CUL2: variants seen among roughly 807,000 people sequenced by gnomAD.
CUL2 encodes the protein cullin-2.
A neutral mutation model predicts 110.2 loss-of-function variants in CUL2; 22 were observed. That is an observed-to-expected ratio of 0.20 (90% CI 0.14 to 0.28). The LOEUF (loss-of-function observed/expected upper bound fraction) is 0.28. CUL2 is among the 10% of genes least tolerant of loss of function. CUL2 has a pLI of 1.00. For missense variants in CUL2, 631 were observed against 905.5 expected (o/e 0.70, Z 3.89); for synonymous variants, 279 against 293.2 (o/e 0.95, Z 0.49).
intron 2 of CUL2, among the ~76,000 whole-genome samples, chr10:35,063,443 A>G (rs2086435352): frequency 6.6e-6 from 1 of 152,220 alleles, no homozygotes; most frequent in South Asian, 2.1e-4. Flanking sequence ...CATAGTATCA[A>G]TGAAGGGCTA....
At chr10:35,021,242 TTTTCTTTC>T (rs201677936) in intron 17 of CUL2, among the ~76,000 whole-genome samples, 3 of 149,062 alleles carry the variant, frequency 2.0e-5, no homozygotes, top group Non-Finnish European at 3.0e-5. Context: ...CTGCAGCATG[TTTTCTTTC>T]TTTCTTTCTT....
chr10:35,116,734 A>G (rs894490001), intron 1 of CUL2, among the ~76,000 whole-genome samples: 1 of 152,230 alleles, frequency 6.6e-6, no homozygotes, highest in Admixed American at 6.5e-5. Flanking sequence ...TGGGAGGCCA[A>G]TGCAGGCAGA....
At chr10:35,033,087 T>A (rs1588972406) in intron 11 of CUL2, 79 bp downstream of exon 11, 1 of 730,682 alleles carries the variant, frequency 1.4e-6, no homozygotes, top group Non-Finnish European at 2.1e-6. Flanking sequence ...AACCTCATAC[T>A]AGAATTCTGA....
intron 2 of CUL2, among the ~76,000 whole-genome samples, chr10:35,096,894 C>A (rs1364258912): frequency 1.3e-5 from 2 of 150,848 alleles, no homozygotes; most frequent in African/African-American, 4.9e-5. Context: ...ACTGCAACCT[C>A]TGCCTCCTGG....
chr10:35,029,379 C>T (rs941099604), intron 15 of CUL2, 109 bp downstream of exon 15: 3 of 782,766 alleles, frequency 3.8e-6, no homozygotes, highest in African/African-American at 3.7e-5. Flanking sequence ...ACTTTAGAAG[C>T]CACAATCTAC....
At chr10:35,023,162 T>C (rs908527536) in intron 17 of CUL2, among the ~76,000 whole-genome samples, 6 of 152,224 alleles carry the variant, frequency 3.9e-5, no homozygotes, top group Admixed American at 3.3e-4. Context: ...CTTGAGTTAA[T>C]CATTTTACAA....
chr10:35,012,509 G>C (rs1241862766), intron 19 of CUL2, among the ~76,000 whole-genome samples: 1 of 152,036 alleles, frequency 6.6e-6, no homozygotes, highest in Non-Finnish European at 1.5e-5. Flanking sequence ...GGCATTTTAT[G>C]TGGCTCAAGC....
intron 1 of CUL2, among the ~76,000 whole-genome samples, chr10:35,074,598 T>C (rs963448290): frequency 6.6e-6 from 1 of 152,156 alleles, no homozygotes; most frequent in African/African-American, 2.4e-5. Flanking sequence ...GTGATTCACC[T>C]GCCACAGCCT....
chr10:35,090,618 TC>T (rs894165963), upstream of CUL2: 10 of 151,612 alleles, frequency 6.6e-5, no homozygotes, highest in Non-Finnish European at 1.5e-4. Flanking sequence ...TGCTGCCAAA[TC>T]CCCCCCGCCA....
intron 1 of CUL2, among the ~76,000 whole-genome samples, chr10:35,077,236 G>C (rs1156583434): frequency 6.6e-6 from 1 of 151,530 alleles, no homozygotes; most frequent in Non-Finnish European, 1.5e-5. Flanking sequence ...AGTGAATGAA[G>C]AGGGCCACAA....
chr10:35,062,670 C>G (rs1364822433), intron 3 of CUL2, among the ~76,000 whole-genome samples: 1 of 123,146 alleles, frequency 8.1e-6, no homozygotes, highest in Non-Finnish European at 1.7e-5. Flanking sequence ...CCATCTCTAC[C>G]AAAAAAAAAA....
intron 6 of CUL2, among the ~76,000 whole-genome samples, chr10:35,049,416 TTCCCTC>T (rs1331641386): frequency 2.6e-5 from 4 of 151,846 alleles, no homozygotes; most frequent in Non-Finnish European, 5.9e-5. Flanking sequence ...AATAAGTCAC[TTCCCTC>T]AGATACTTAT....
chr10:35,117,705 T>A (rs2087626391), intron 1 of CUL2, among the ~76,000 whole-genome samples: 1 of 152,210 alleles, frequency 6.6e-6, no homozygotes, highest in Admixed American at 6.5e-5. Context: ...GGTGTATTAC[T>A]GAAGGTTCCT....
In CUL2 at chr10:35,031,307, T is replaced by C; in HGVS notation, c.1379A>G (p.Lys460Arg). The C allele has an allele frequency of 6.3e-7, 1 of 1,583,248 alleles. No homozygotes were observed. Among genetic ancestry groups the C allele is most frequent in the Non-Finnish European group, 8.6e-7 (1 of 1,166,162 alleles). Residue 460 changes from lysine to arginine, a missense_variant, in exon 14 of 21, where the codon AAA becomes AGA. Around this residue, in one of 3 missense-constraint regions of CUL2, gnomAD observed 134 missense variants for 260.4 expected, o/e 0.51. Coordinates refer to ENST00000374749, the MANE Select transcript of CUL2 (RefSeq NM_003591.4). The surrounding 1 kb of genome is among the most constrained non-coding windows in gnomAD (Gnocchi z 4.4). ...ATTAAAGACTTACATTACCTTTAAT[T>C]TGTTGATCATGGCTTCTTCAGAGTC... The part of the protein sequence containing the change: ...SMDSEEAMIN[K>R]LKQACGYEFT...
intron 2 of CUL2, among the ~76,000 whole-genome samples, chr10:35,067,139 C>CAAAAAAA (rs71523356): frequency 5.2e-5 from 4 of 76,816 alleles, no homozygotes; most frequent in Non-Finnish European, 7.6e-5. Flanking sequence ...AACTCCATCT[C>CAAAAAAA]AAAAAAAAAA....
At chr10:35,121,967 T>C (rs2087683562) in intron 1 of CUL2, among the ~76,000 whole-genome samples, 1 of 152,216 alleles carries the variant, frequency 6.6e-6, no homozygotes, top group Non-Finnish European at 1.5e-5. Context: ...GGTTTAAGTT[T>C]ACCAAACTCA....
At chr10:35,107,755 G>A (rs1018860467) in intron 1 of CUL2, among the ~76,000 whole-genome samples, 2 of 151,522 alleles carry the variant, frequency 1.3e-5, no homozygotes, top group Non-Finnish European at 2.9e-5. Flanking sequence ...GGTGGCAGGC[G>A]CTTGTGGTCC....
Position 35,010,054 on chromosome 10 carries a change from C to A in CUL2, c.*257G>T. ...AGGGGAGAAAAAGCATGGTACCCAA[C>A]CGAATTTCCACTTTTCAGCAATACT... is the stretch of plus-strand genomic sequence containing the variant. On this transcript the variant is annotated 3_prime_UTR_variant, in exon 21 of 21. Coordinates refer to ENST00000374749, the MANE Select transcript of CUL2 (RefSeq NM_003591.4). 4.7e-6 allele frequency: 1 copy of A among 210,714 alleles called. No homozygotes were observed. Among genetic ancestry groups the A allele is most frequent in the Non-Finnish European group, 9.2e-6 (1 of 108,838 alleles). 13.1% of individuals were successfully genotyped at this position (210,714 alleles called of 1,614,324 possible). A position where few individuals can be genotyped will look rare whatever the true frequency, so the allele number is the denominator to read the frequency against.
chr10:35,063,923 T>C (rs917687889), intron 2 of CUL2: 8 of 152,334 alleles, frequency 5.3e-5, no homozygotes, highest in Non-Finnish European at 7.3e-5. Context: ...AGGTGTTTCA[T>C]ATGCTGCCTC....
Sources: allele counts gnomAD v4.1 joint callset (sites outside exome capture counted in the v4.1 genomes callset), GRCh38; gene constraint gnomAD v4.1.1; regional missense constraint gnomAD v4.1.1; non-coding constraint Gnocchi (gnomAD v3.1); transcripts MANE v1.5; gene names NCBI Gene and HGNC (gene_info 2026-07-23, HGNC 2026-07-21).